Variants in NCAN observed in about 807,000 individuals in gnomAD.
NCAN encodes the protein neurocan, also known as neurocan core protein.
In NCAN, 47 loss-of-function variants were observed where a neutral mutation model predicts 121.8. That is an observed-to-expected ratio of 0.39 (90% confidence interval 0.31 to 0.49). NCAN has a LOEUF of 0.49. NCAN is among the 20% of genes least tolerant of loss of function. NCAN has a pLI of 0.92. For synonymous variants in NCAN, 633 were observed against 702.0 expected (o/e 0.90, Z 1.55); for missense variants, 1,517 against 1,773.4 (o/e 0.86, Z 2.60).
At chr19:19,234,081 A>C (rs1422933944) in intron 9 of NCAN, among the ~76,000 whole-genome samples, 176 bp downstream of exon 9, 1 of 152,176 alleles carries the variant, frequency 6.6e-6, no homozygotes, top group Non-Finnish European at 1.5e-5. Flanking sequence ...GTGGAACCAG[A>C]ATCAAACAGC....
At chr19:19,233,932 A>G in intron 9 of NCAN, 27 bp downstream of exon 9, 1 of 1,449,442 alleles carries the variant, frequency 6.9e-7, no homozygotes, top group East Asian at 2.3e-5. Flanking sequence ...CAGGATCTGA[A>G]TCTGAATTTG....
At chr19:19,244,872 G>C (rs2060918706) in intron 12 of NCAN, among the ~76,000 whole-genome samples, 2 of 151,620 alleles carry the variant, frequency 1.3e-5, no homozygotes, top group Non-Finnish European at 2.9e-5. Context: ...TACCATGCCT[G>C]GCTAATTTTT....
chr19:19,225,998 C>T lies in NCAN; in HGVS notation c.1073-488C>T, dbSNP rs1026629045. ...AGGCTGGAGTGCAGTGGTGTGATCT[C>T]GGCTCACTGCAACCTCCACCTCCCT... is the stretch of plus-strand genomic sequence containing the variant. On this transcript the variant is annotated intron_variant, in intron 6 of 14. Transcript: ENST00000252575. The surrounding 1 kb of genome is among the most constrained non-coding windows in gnomAD (Gnocchi z 4.0). Among the ~76,000 whole-genome samples the T allele has an allele frequency of 5.9e-5, 9 of 151,542 alleles. No individual in the cohort carries two copies. Among genetic ancestry groups the T allele is most frequent in the Admixed American group, 5.9e-4 (9 of 15,210 alleles).
At position 19,225,513 on chromosome 19, in the gene NCAN, C is replaced by T. The variant is rs1010182412; in HGVS notation, c.1072+243C>T. Reference sequence around the variant, plus strand: ...GGAGGCCACTCTGGTGGGGAGTCACCTTTGCTGGGTGGGCTGTATCTCCTG... The same window carrying T: ...GGAGGCCACTCTGGTGGGGAGTCACTTTTGCTGGGTGGGCTGTATCTCCTG... On this transcript the variant is annotated intron_variant, in intron 6 of 14. Transcript: ENST00000252575. This position sits in a 1 kb window ranked among gnomAD's most constrained non-coding sequence, Gnocchi z 4.0. 2.0e-5 allele frequency among the ~76,000 whole-genome samples: 3 copies of T among 152,202 alleles called. No individual in the cohort carries two copies. Among genetic ancestry groups the T allele is most frequent in the Non-Finnish European group, 2.9e-5 (2 of 68,018 alleles).
At chr19:19,217,081 G>T in intron 2 of NCAN, 55 bp downstream of exon 2, 1 of 1,250,590 alleles carries the variant, frequency 8.0e-7, no homozygotes, top group South Asian at 3.3e-5. Context: ...GACAAGATGG[G>T]GCAGCTTTTG....
At chr19:19,215,472 C>A (rs2060793107) in intron 1 of NCAN, among the ~76,000 whole-genome samples, 1 of 152,162 alleles carries the variant, frequency 6.6e-6, no homozygotes, top group South Asian at 2.1e-4. Context: ...GGGCTTTGCT[C>A]ACAGTAGGCG....
chr19:19,235,101 G>C lies in NCAN; in HGVS notation c.3250+5G>C. 6.2e-7 allele frequency: 1 copy of C among 1,600,908 alleles called. No individual in the cohort carries two copies. The highest frequency in any genetic ancestry group is 8.6e-7 in the Non-Finnish European group (1 of 1,168,720). ...GGGGCAGCTTTTGTGAGAAAGGTGA[G>C]TTTCTATTGCAACACCAGAAACAGT... On this transcript the variant is annotated splice_donor_5th_base_variant and intron_variant, in intron 10 of 14. Transcript: ENST00000252575.
rs901103197 is a variant in NCAN, at chr19:19,224,355, C to T, written c.700C>T (p.Leu234Phe). ...RPGCYGDRSS[L>F]PGVRSYGRRN... is the part of the protein sequence containing the mutation. Reference sequence around the variant, plus strand: ...TGGTTGCTATGGCGACCGTAGCAGCCTTCCAGGGGTTCGGAGCTATGGGAG... The same window carrying T: ...TGGTTGCTATGGCGACCGTAGCAGCTTTCCAGGGGTTCGGAGCTATGGGAG... Residue 234 changes from leucine to phenylalanine, a missense_variant, in exon 5 of 15, where the codon CTT becomes TTT. Coordinates refer to ENST00000252575, the MANE Select transcript of NCAN (RefSeq NM_004386.3). 3.1e-6 allele frequency: 5 copies of T among 1,613,974 alleles called. No individual in the cohort carries two copies. The highest frequency in any genetic ancestry group is 3.4e-6 in the Non-Finnish European group (4 of 1,179,996).
chr19:19,243,005 C>T (rs367995150), intron 12 of NCAN, among the ~76,000 whole-genome samples: 10 of 151,426 alleles, frequency 6.6e-5, no homozygotes, highest in South Asian at 4.2e-4. Context: ...AGCGAGACTC[C>T]GGCTCAAAAA....
Position 19,217,032 on chromosome 19 carries a change from T to C in NCAN, c.73+6T>C, listed in dbSNP as rs764792356. 9.8e-5 allele frequency: 129 copies of C among 1,311,032 alleles called. No individual in the cohort carries two copies. Among genetic ancestry groups the C allele is most frequent in the Non-Finnish European group, 1.2e-4 (126 of 1,020,652 alleles). The allele number at this position is 1,311,032 out of a possible 1,614,324, so 81.2% of individuals were successfully genotyped here. On this transcript the variant is annotated splice_donor_region_variant and intron_variant, in intron 2 of 14. Transcript: ENST00000252575. ...CTTTGTGGCTGGGGAACAGGGTGAG[T>C]TGGTTTGTGGGGAGGGAGAGATTGG... is the stretch of plus-strand genomic sequence containing the variant.
intron 9 of NCAN, among the ~76,000 whole-genome samples, chr19:19,234,767 G>A (rs1189940068): frequency 6.6e-6 from 1 of 152,222 alleles, no homozygotes; most frequent in African/African-American, 2.4e-5. Context: ...CTGCCCCAGT[G>A]GCATCTGCTC....
Position 19,226,520 on chromosome 19 carries a change from G to T in NCAN, c.1107G>T (p.Glu369Asp), listed in dbSNP as rs761047310. ...HHPTSQHGDLETPSSGDEGEI... is the reference protein window; with the variant it reads ...HHPTSQHGDLDTPSSGDEGEI... ...CCACGTCACAACATGGAGACCTAGA[G>T]ACCCCATCCTCTGGGGATGAGGGGG... is the stretch of plus-strand genomic sequence containing the variant. The change falls in exon 7 of 15, where the codon GAG becomes GAT. Residue 369 changes from glutamate to aspartate, a missense_variant. Physicochemically the swap from Glu to Asp is conservative, Grantham distance 45. Coordinates refer to ENST00000252575, the MANE Select transcript of NCAN (RefSeq NM_004386.3). The T allele has an allele frequency of 6.2e-7, 1 of 1,607,892 alleles. No individual in the cohort carries two copies. The highest frequency in any genetic ancestry group is 1.1e-5 in the South Asian group (1 of 90,958).
At position 19,234,987 on chromosome 19, in the gene NCAN, T is replaced by G. The variant is rs757775634; in HGVS notation, c.3141T>G (p.Ile1047Met). 1.2e-6 allele frequency: 2 copies of G among 1,608,382 alleles called. No individual in the cohort carries two copies. Among genetic ancestry groups the G allele is most frequent in the Admixed American group, 3.3e-5 (2 of 59,818 alleles). Residue 1047 changes from isoleucine to methionine, a missense_variant, in exon 10 of 15, where the codon ATT becomes ATG. By Grantham distance (10) the Ile-to-Met change is conservative. Coordinates refer to ENST00000252575, the MANE Select transcript of NCAN (RefSeq NM_004386.3). Reference sequence around the variant, plus strand: ...GTCTCTTCCCCTCTCTGCCAGACATTGATGACTGCCTCTGCAGCCCCTGTG... The same window carrying G: ...GTCTCTTCCCCTCTCTGCCAGACATGGATGACTGCCTCTGCAGCCCCTGTG... ...GFAGENCEID[I>M]DDCLCSPCEN...
intron 8 of NCAN, among the ~76,000 whole-genome samples, chr19:19,231,658 G>A (rs1478599118): frequency 6.6e-6 from 1 of 152,038 alleles, no homozygotes; most frequent in African/African-American, 2.4e-5. Context: ...CAGCCACTAG[G>A]CTGCGAAATG....
Position 19,224,173 on chromosome 19 carries a change from T to G in NCAN, c.628T>G (p.Trp210Gly). 1 of 1,594,772 alleles carries G rather than the reference T, an allele frequency of 6.3e-7. No homozygotes were observed. The highest frequency in any genetic ancestry group is 1.1e-5 in the South Asian group (1 of 89,604). Residue 210 changes from tryptophan (W) to glycine (G), a missense_variant, in exon 4 of 15, where the codon TGG becomes GGG. Trp to Gly is a radical substitution (Grantham distance 184). Transcript: ENST00000252575. ...EDGFDNCDAG[W>G]LSDRTVRYPI... ...TGGCTTTGACAACTGTGATGCTGGC[T>G]GGCTCTCTGACCGCACTGTTCGGTG...
chr19:19,221,273 C>T (rs2060815797), intron 3 of NCAN, among the ~76,000 whole-genome samples: 1 of 150,720 alleles, frequency 6.6e-6, no homozygotes, highest in Non-Finnish European at 1.5e-5. Context: ...GGCGCAGTGG[C>T]TCACGCCTGT....
chr19:19,229,469 G>C (rs1035882128), intron 8 of NCAN, among the ~76,000 whole-genome samples: 1 of 152,188 alleles, frequency 6.6e-6, no homozygotes, highest in Non-Finnish European at 1.5e-5. Flanking sequence ...GATTTGACTC[G>C]TGGGGGACCT....
In NCAN at chr19:19,227,228, A is replaced by G; in HGVS notation, c.1661-53A>G. The G allele has an allele frequency of 6.6e-7, 1 of 1,508,584 alleles. No individual in the cohort carries two copies. Among genetic ancestry groups the G allele is most frequent in the African/African-American group, 1.4e-5 (1 of 71,704 alleles). 93.4% of individuals were successfully genotyped at this position (1,508,584 alleles called of 1,614,324 possible). A position where few individuals can be genotyped will look rare whatever the true frequency, so the allele number is the denominator to read the frequency against. On this transcript the variant is annotated intron_variant, in intron 7 of 14. Coordinates refer to ENST00000252575, the MANE Select transcript of NCAN (RefSeq NM_004386.3). This position sits in a 1 kb window ranked among gnomAD's most constrained non-coding sequence, Gnocchi z 4.2. ...CCCTCTCCCTTGGGCCTGGAGTCCA[A>G]CCAAAGGGGCTGCTGAGAGATCATT... is the stretch of plus-strand genomic sequence containing the variant.
At chr19:19,239,151 T>C (rs541359565) in intron 11 of NCAN, among the ~76,000 whole-genome samples, 140 of 152,094 alleles carry the variant, frequency 9.2e-4, no homozygotes, top group Non-Finnish European at 1.4e-3. Context: ...TTCTCATTTC[T>C]GCAAAGATGC....
Sources: allele counts gnomAD v4.1 joint callset (sites outside exome capture counted in the v4.1 genomes callset), GRCh38; gene constraint gnomAD v4.1.1; non-coding constraint Gnocchi (gnomAD v3.1); transcripts MANE v1.5; gene names NCBI Gene and HGNC (gene_info 2026-07-23, HGNC 2026-07-21).